The following ENO4 variants were observed in gnomAD, a reference collection of about 807,000 sequenced individuals.
ENO4 encodes the protein 2-phospho-D-glycerate hydro-lyase.
ENO4 carries 53 observed loss-of-function variants against 63.2 expected under a neutral mutation model. That is an observed-to-expected ratio of 0.84 (90% CI 0.67 to 1.05). The LOEUF (loss-of-function observed/expected upper bound fraction) is 1.05. Among genes scored for constraint, ENO4 ranks in the 50% least tolerant of loss-of-function variants. The pLI is 0.00. For missense variants in ENO4, 719 were observed against 772.0 expected (o/e 0.93, Z 0.81); for synonymous variants, 266 against 283.8 (o/e 0.94, Z 0.63).
chr10:116,884,405 G>A (rs1468254553), downstream of ENO4: 1 of 378,518 alleles, frequency 2.6e-6, no homozygotes, highest in Non-Finnish European at 5.4e-6. Flanking sequence ...GTGAGAGAAA[G>A]TAAGCAGCTT....
Position 116,876,130 on chromosome 10 carries a change from T to G in ENO4, c.1407T>G (p.Thr469=). ...CCAGGTGTTACATAATTGCAGGAAC[T>G]GCTTCCAAAAGCATTTCTAAACTTC... is the stretch of plus-strand genomic sequence containing the variant. The part of the protein sequence containing the change: ...LGSRCYIIAG[T]ASKSISKLLE... Residue 469 remains threonine, a synonymous_variant, in exon 11 of 14, where the codon ACT becomes ACG. Transcript: ENST00000341276. 6.4e-7 allele frequency: 1 copy of G among 1,550,958 alleles called. No individual in the cohort carries two copies. Among genetic ancestry groups the G allele is most frequent in the Non-Finnish European group, 8.7e-7 (1 of 1,147,044 alleles).
intron 10 of ENO4, among the ~76,000 whole-genome samples, chr10:116,896,836 C>G (rs1039480541): frequency 2.1e-5 from 3 of 141,496 alleles, no homozygotes; most frequent in Non-Finnish European, 4.5e-5. Context: ...TTAAGAGTCT[C>G]ACTCTGTGGC....
chr10:116,910,481 T>C (rs1453007591), intron 10 of ENO4, among the ~76,000 whole-genome samples: 1 of 152,230 alleles, frequency 6.6e-6, no homozygotes, highest in East Asian at 1.9e-4. Flanking sequence ...AGTAATGCTG[T>C]AATTCAGTAA....
At chr10:116,911,442 T>A (rs1159509674) in intron 10 of ENO4, 2 of 1,543,888 alleles carry the variant, frequency 1.3e-6, no homozygotes, top group Non-Finnish European at 1.7e-6. Context: ...TAAAGCATTA[T>A]TCATCTATTA....
intron 10 of ENO4, among the ~76,000 whole-genome samples, chr10:116,887,899 G>A (rs1024587011): frequency 2.0e-5 from 3 of 152,144 alleles, no homozygotes; most frequent in Non-Finnish European, 4.4e-5. Flanking sequence ...AAAAACAACA[G>A]AACAAATGAT....
chr10:116,892,072 A>G lies in ENO4; in HGVS notation c.1194+12086A>G, dbSNP rs189126065. 9.8e-5 allele frequency among the ~76,000 whole-genome samples: 15 copies of G among 152,330 alleles called. No homozygotes were observed. The East Asian group carries it at 2.7e-3, about 27-fold the overall frequency. ...ACATGAACAAGAATTCCTTTTTAAC[A>G]TAGGTAACAATGGCTGGGCAAAGAT... On this transcript the variant is annotated intron_variant, in intron 10 of 10. Coordinates refer to the ENO4 transcript ENST00000369207.
chr10:116,866,582 T>G (rs1004463833), intron 7 of ENO4, among the ~76,000 whole-genome samples: 3 of 152,106 alleles, frequency 2.0e-5, no homozygotes, highest in African/African-American at 7.2e-5. Flanking sequence ...CCGGCACTTT[T>G]GGGAGGCTGA....
intron 1 of ENO4, among the ~76,000 whole-genome samples, chr10:116,853,389 T>C (rs1846149235): frequency 6.6e-6 from 1 of 152,084 alleles, no homozygotes; most frequent in Non-Finnish European, 1.5e-5. Context: ...TCTGCCCATC[T>C]GTGGGATGGA....
At chr10:116,862,952 T>C (rs935815246) in intron 7 of ENO4, 100 bp downstream of exon 7, 2 of 850,398 alleles carry the variant, frequency 2.4e-6, no homozygotes, top group African/African-American at 3.4e-5. Flanking sequence ...GTGGTTGATA[T>C]GGAGAATGTA....
At chr10:116,901,901 C>T in intron 10 of ENO4, 1 of 1,607,186 alleles carries the variant, frequency 6.2e-7, no homozygotes, top group Non-Finnish European at 8.5e-7. Flanking sequence ...ACACTGGATA[C>T]AGAACCCAAC....
At chr10:116,871,059 T>C (rs1327234666) in intron 8 of ENO4, 66 bp from the exon 9 acceptor site, 39 of 1,393,322 alleles carry the variant, frequency 2.8e-5, no homozygotes, top group Non-Finnish European at 3.2e-5. Context: ...ACCATGCTTA[T>C]CACAGGAAGC....
At chr10:116,880,827 G>T (rs1846985677) in intron 13 of ENO4, among the ~76,000 whole-genome samples, 1 of 152,116 alleles carries the variant, frequency 6.6e-6, no homozygotes, top group African/African-American at 2.4e-5. Flanking sequence ...CCTGACTGGA[G>T]GCCTTAGCTT....
At chr10:116,876,482 T>C (rs1846836457) in intron 11 of ENO4, among the ~76,000 whole-genome samples, 1 of 152,246 alleles carries the variant, frequency 6.6e-6, no homozygotes. Flanking sequence ...CCCCCTTTAC[T>C]GAGGGCTACC....
intron 6 of ENO4, among the ~76,000 whole-genome samples, chr10:116,861,615 G>T (rs762416258): frequency 6.6e-6 from 1 of 152,186 alleles, no homozygotes; most frequent in African/African-American, 2.4e-5. Flanking sequence ...GTGCATATTT[G>T]TGGAGTGAAT....
chr10:116,896,897 C>A (rs936371077), intron 10 of ENO4, among the ~76,000 whole-genome samples: 4 of 151,670 alleles, frequency 2.6e-5, no homozygotes, highest in African/African-American at 9.7e-5. Context: ...ACCTCCACCT[C>A]CTGGGTTCAA....
At chr10:116,853,293 T>TC (rs1846143958) in intron 1 of ENO4, among the ~76,000 whole-genome samples, 2 of 28,012 alleles carry the variant, frequency 7.1e-5, no homozygotes, top group African/African-American at 2.1e-4. Flanking sequence ...AGACTCCGTC[T>TC]CAAAAAAAAA....
chr10:116,900,383 A>C lies in ENO4; in HGVS notation c.1195-11116A>C, dbSNP rs1200469386. On this transcript the variant is annotated intron_variant, in intron 10 of 10. Coordinates refer to the ENO4 transcript ENST00000369207. ...ATCTAACAACTGTGTCTGTCAACACATGGATCCTTTTCACTGTCAATTCAA... is the reference window on the plus strand; with the variant it reads ...ATCTAACAACTGTGTCTGTCAACACCTGGATCCTTTTCACTGTCAATTCAA... 3 of 671,368 alleles carry C rather than the reference A, an allele frequency of 4.5e-6. No individual in the cohort carries two copies. The Admixed American group carries it at 7.6e-5, about 17-fold the overall frequency. The allele number at this position is 671,368 out of a possible 1,614,324, so 41.6% of individuals were successfully genotyped here.
chr10:116,911,835 A>G (rs567530758), downstream of ENO4: 1 of 1,610,932 alleles, frequency 6.2e-7, no homozygotes, highest in Non-Finnish European at 8.5e-7. Context: ...AGCCTTTCGA[A>G]GATTCTGGCT....
At chr10:116,870,898 T>C (rs1384216326) in intron 8 of ENO4, among the ~76,000 whole-genome samples, 1 of 151,978 alleles carries the variant, frequency 6.6e-6, no homozygotes, top group Non-Finnish European at 1.5e-5. Context: ...GAGAGAAAAG[T>C]GCACTCCCAG....
Sources: allele counts gnomAD v4.1 joint callset (sites outside exome capture counted in the v4.1 genomes callset), GRCh38; gene constraint gnomAD v4.1.1; transcripts MANE v1.5; gene names NCBI Gene and HGNC (gene_info 2026-07-23, HGNC 2026-07-21).